Variants in SDK1 observed in about 807,000 individuals in gnomAD.
SDK1 encodes sidekick cell adhesion molecule 1, also known as protein sidekick-1.
Under a neutral mutation model 245.5 loss-of-function variants are expected in SDK1, and 157 were observed. The observed-to-expected ratio is 0.64, with a 90% CI of 0.56 to 0.73. The LOEUF (loss-of-function observed/expected upper bound fraction) is 0.73. SDK1 is among the 30% of genes least tolerant of loss of function. The probability of loss-of-function intolerance (pLI) is 0.00; values close to 1 mark genes in which losing one functional copy is unlikely to be tolerated. For synonymous variants in SDK1, 1,647 were observed against 1,278.5 expected, an observed-to-expected ratio of 1.29 and a Z score of -6.15; for missense variants, 3,583 against 3,002.3, an observed-to-expected ratio of 1.19 and a Z score of -4.52.
At chr7:3,329,545 A>G (rs1024340242) in intron 1 of SDK1, among the ~76,000 whole-genome samples, 5 of 151,938 alleles carry the variant, frequency 3.3e-5, no homozygotes, top group African/African-American at 1.2e-4. Flanking sequence ...TTCACACCCT[A>G]CCCTAGGGGA....
At chr7:3,408,097 G>A (rs564034235) in intron 1 of SDK1, among the ~76,000 whole-genome samples, 6 of 152,216 alleles carry the variant, frequency 3.9e-5, no homozygotes, top group Admixed American at 3.9e-4. Flanking sequence ...GAATGCAGTG[G>A]TGCGGTCTCG....
intron 4 of SDK1, among the ~76,000 whole-genome samples, chr7:3,767,429 A>G (rs184383402): frequency 2.0e-5 from 3 of 152,318 alleles, no homozygotes; most frequent in Admixed American, 2.0e-4. Flanking sequence ...GACAGTTTAC[A>G]GTGTGAGAAC....
At chr7:3,977,692 C>T (rs2128135499) in intron 13 of SDK1, among the ~76,000 whole-genome samples, 1 of 152,372 alleles carries the variant, frequency 6.6e-6, no homozygotes, top group East Asian at 1.9e-4. Context: ...GCAGCTGATC[C>T]TCCTGGTAGC....
intron 4 of SDK1, among the ~76,000 whole-genome samples, chr7:3,779,516 C>T (rs17133816): frequency 0.012 from 1,765 of 151,556 alleles, 37 homozygotes; most frequent in African/African-American, 0.04. Flanking sequence ...ATTTAAACAT[C>T]GGTGATTGGA....
intron 35 of SDK1, among the ~76,000 whole-genome samples, chr7:4,187,247 G>C (rs375731755): frequency 6.6e-6 from 1 of 152,146 alleles, no homozygotes; most frequent in Non-Finnish European, 1.5e-5. Context: ...GTTAACCCAC[G>C]GCATTATTAC....
At chr7:4,029,479 G>C (rs796641001) in intron 17 of SDK1, among the ~76,000 whole-genome samples, 10 of 152,132 alleles carry the variant, frequency 6.6e-5, no homozygotes, top group African/African-American at 2.4e-4. Context: ...CGAAAGTGCT[G>C]AGATTACAGG....
chr7:4,217,754 C>T lies in SDK1; in HGVS notation c.5540-2355C>T, dbSNP rs1784917447. On this transcript the variant is annotated intron_variant, in intron 38 of 44. Transcript: ENST00000404826. ...ATGGTGGTGGTTTATGGGATTGTAC[C>T]CTGAGGCTTTGTAGTGCTGGGCATG... Among the ~76,000 whole-genome samples, 4 of 151,952 alleles carry T rather than the reference C, an allele frequency of 2.6e-5. No individual in the cohort carries two copies. The South Asian group carries it at 8.3e-4, about 32-fold the overall frequency.
At chr7:4,065,706 T>TG (rs1779849061) in intron 19 of SDK1, among the ~76,000 whole-genome samples, 3 of 81,650 alleles carry the variant, frequency 3.7e-5, no homozygotes, top group Non-Finnish European at 6.4e-5. Context: ...TTTTTTTTTT[T>TG]TTTTTTTTTT....
At chr7:3,986,615 C>G (rs902510572) in intron 13 of SDK1, among the ~76,000 whole-genome samples, 3 of 152,112 alleles carry the variant, frequency 2.0e-5, no homozygotes, top group African/African-American at 7.2e-5. Flanking sequence ...AATCCCAGCA[C>G]TTTGGGAGGC....
intron 5 of SDK1, 124 bp downstream of exon 5, chr7:3,821,707 AT>A: frequency 2.0e-6 from 2 of 987,634 alleles, no homozygotes; most frequent in Non-Finnish European, 2.9e-6. Context: ...TTACGGTTTA[AT>A]ATTGATCCAG....
intron 1 of SDK1, among the ~76,000 whole-genome samples, chr7:3,468,102 C>T (rs1344716773): frequency 6.6e-6 from 1 of 152,010 alleles, no homozygotes; most frequent in East Asian, 1.9e-4. Context: ...AATCATAAAG[C>T]AGAGAGAAAT....
chr7:3,339,571 G>A (rs916976652), intron 1 of SDK1, among the ~76,000 whole-genome samples: 1 of 152,056 alleles, frequency 6.6e-6, no homozygotes, highest in South Asian at 2.1e-4. Flanking sequence ...TACAGAATTT[G>A]TTCTGTGGCA....
At chr7:3,716,189 C>G (rs554808571) in intron 4 of SDK1, among the ~76,000 whole-genome samples, 52 of 149,890 alleles carry the variant, frequency 3.5e-4, no homozygotes, top group African/African-American at 1.2e-3. Flanking sequence ...TATTGGAGTT[C>G]TAGTAGGAGA....
chr7:4,033,586 A>G lies in SDK1; in HGVS notation c.2603-15762A>G, dbSNP rs976022870. Among the ~76,000 whole-genome samples, 4 of 152,244 alleles carry G rather than the reference A, an allele frequency of 2.6e-5. No homozygotes were observed. The East Asian group carries it at 7.7e-4, about 29-fold the overall frequency. Reference sequence around the variant, plus strand: ...CAGTTTATATCCCAGAGAAATGGTTAATATCTCTATATTAAGAGCTCTAAA... The same window carrying G: ...CAGTTTATATCCCAGAGAAATGGTTGATATCTCTATATTAAGAGCTCTAAA... On this transcript the variant is annotated intron_variant, in intron 17 of 44. Transcript: ENST00000404826.
At position 3,974,401 on chromosome 7, in the gene SDK1, C is replaced by A. The variant is rs760915112; in HGVS notation, c.1850C>A (p.Thr617Asn). 2 of 1,613,970 alleles carry A rather than the reference C, an allele frequency of 1.2e-6. No homozygotes were observed. Among genetic ancestry groups the A allele is most frequent in the Non-Finnish European group, 1.7e-6 (2 of 1,179,912 alleles). The change falls in exon 13 of 45, where the codon ACT becomes AAT. Residue 617 changes from threonine to asparagine, a missense_variant. Thr to Asn is a moderately conservative substitution (Grantham distance 65). Coordinates refer to ENST00000404826, the MANE Select transcript of SDK1 (RefSeq NM_152744.4). The part of the protein sequence containing the change: ...YVWKKDNVAL[T>N]PSSTSRIVVE... ...TGGAAGAAGGACAACGTGGCCCTGACTCCATCGAGCACGTCTAGGATCGTG... is the reference window on the plus strand; with the variant it reads ...TGGAAGAAGGACAACGTGGCCCTGAATCCATCGAGCACGTCTAGGATCGTG...
In SDK1 at chr7:3,969,382, A is replaced by G. The variant is rs1562591839; in HGVS notation, c.1672A>G (p.Thr558Ala). 2 of 1,609,082 alleles carry G rather than the reference A, an allele frequency of 1.2e-6. No homozygotes were observed. The highest frequency in any genetic ancestry group is 1.1e-5 in the South Asian group (1 of 89,514). ...AGNYTCYAAN[T>A]EGSLNASATL... The stretch of plus-strand genomic sequence containing the variant: ...CAACTACACCTGCTATGCGGCCAAC[A>G]CAGAGGGCTCCCTGAATGCATCGGC... The change falls in exon 11 of 45, where the codon ACA becomes GCA. Residue 558 changes from threonine (T) to alanine (A), a missense_variant. Coordinates refer to ENST00000404826, the MANE Select transcript of SDK1 (RefSeq NM_152744.4).
At chr7:3,472,001 A>G (rs1781199756) in intron 1 of SDK1, among the ~76,000 whole-genome samples, 1 of 152,100 alleles carries the variant, frequency 6.6e-6, no homozygotes, top group South Asian at 2.1e-4. Context: ...AGTCTTGAGC[A>G]TTTTTTCACT....
chr7:4,238,838 G>A (rs879834507), intron 42 of SDK1, among the ~76,000 whole-genome samples: 13 of 151,624 alleles, frequency 8.6e-5, no homozygotes, highest in Non-Finnish European at 1.5e-4. Context: ...GTGAGCCACC[G>A]CGCCCTGCCG....
chr7:4,081,725 A>C (rs1781073266), intron 22 of SDK1, among the ~76,000 whole-genome samples: 1 of 152,158 alleles, frequency 6.6e-6, no homozygotes, highest in East Asian at 1.9e-4. Flanking sequence ...ACCTGTAAAG[A>C]GGTTTTACAT....
Sources: gnomAD v4.1 joint callset for allele counts (sites outside exome capture counted in the v4.1 genomes callset) on GRCh38, gnomAD v4.1.1 for gene constraint, MANE v1.5 for transcripts, NCBI Gene and HGNC (gene_info 2026-07-23, HGNC 2026-07-21) for gene names.